UNC13C: variants seen among roughly 807,000 people sequenced by gnomAD.
UNC13C encodes unc-13 homolog C, also known as protein unc-13 homolog C.
Under a neutral mutation model 245.4 loss-of-function variants are expected in UNC13C, and 174 were observed. The ratio of observed to expected loss-of-function variants is 0.71; its 90% CI spans 0.63 to 0.80. UNC13C has a LOEUF of 0.80. UNC13C is among the 30% of genes least tolerant of loss of function. The pLI is 0.00. For synonymous variants in UNC13C, 992 were observed against 895.1 expected, an observed-to-expected ratio of 1.11 and a Z score of -1.93; for missense variants, 2,829 against 2,602.9, an observed-to-expected ratio of 1.09 and a Z score of -1.89.
intron 2 of UNC13C, among the ~76,000 whole-genome samples, chr15:54,098,826 T>A (rs774648699): frequency 6.6e-5 from 10 of 152,194 alleles, no homozygotes; most frequent in Non-Finnish European, 1.3e-4. Context: ...AATCGAGATT[T>A]CCATCTTCAT....
At chr15:54,422,985 C>G (rs115107878) in intron 19 of UNC13C, among the ~76,000 whole-genome samples, 1 of 115,822 alleles carries the variant, frequency 8.6e-6, no homozygotes, top group Non-Finnish European at 1.8e-5. Context: ...ACACACACAA[C>G]GAAAAAAAAA....
At chr15:54,083,506 A>G (rs1899068054) in intron 2 of UNC13C, among the ~76,000 whole-genome samples, 1 of 152,160 alleles carries the variant, frequency 6.6e-6, no homozygotes, top group African/African-American at 2.4e-5. Context: ...ACTTTCTCCA[A>G]GTGTACATGT....
chr15:54,554,859 TAATGA>T (rs1223269080), intron 28 of UNC13C, among the ~76,000 whole-genome samples: 1 of 152,008 alleles, frequency 6.6e-6, no homozygotes, highest in Non-Finnish European at 1.5e-5. Flanking sequence ...CATTGTAAAA[TAATGA>T]AATAAGTTTT....
chr15:54,241,243 G>A (rs892920331), intron 7 of UNC13C, among the ~76,000 whole-genome samples: 1 of 152,140 alleles, frequency 6.6e-6, no homozygotes, highest in Non-Finnish European at 1.5e-5. Flanking sequence ...TCTAGGAAGT[G>A]TTCATTCTCA....
intron 16 of UNC13C, among the ~76,000 whole-genome samples, chr15:54,338,033 A>G (rs902222855): frequency 1.3e-5 from 2 of 152,156 alleles, no homozygotes; most frequent in African/African-American, 4.8e-5. Flanking sequence ...TTTTGTTTCT[A>G]TCATTCATTG....
At chr15:54,300,406 T>C in intron 13 of UNC13C, 33 bp downstream of exon 13, 3 of 1,525,756 alleles carry the variant, frequency 2.0e-6, no homozygotes, top group Non-Finnish European at 2.7e-6. Flanking sequence ...ATGGTCAATA[T>C]CTCTATTAAA....
chr15:54,246,718 C>T (rs1476714913), intron 7 of UNC13C, among the ~76,000 whole-genome samples: 1 of 134,590 alleles, frequency 7.4e-6, no homozygotes, highest in Non-Finnish European at 1.5e-5. Context: ...ACATGGACAC[C>T]TAGAGGGGAA....
chr15:54,283,318 T>TAC (rs1257639791), intron 10 of UNC13C, among the ~76,000 whole-genome samples: 1 of 152,110 alleles, frequency 6.6e-6, no homozygotes, highest in Non-Finnish European at 1.5e-5. Context: ...ATCATATATA[T>TAC]ACACACACAG....
chr15:54,207,555 T>C (rs551888747), intron 4 of UNC13C, among the ~76,000 whole-genome samples: 1 of 152,130 alleles, frequency 6.6e-6, no homozygotes, highest in East Asian at 1.9e-4. Context: ...AATTAAGTTT[T>C]TGAGGGAATG....
Position 54,552,674 on chromosome 15 carries a change from T to TATAC in UNC13C, c.5878-2757_5878-2756insTACA, listed in dbSNP as rs1566905068. Among the ~76,000 whole-genome samples the TATAC allele has an allele frequency of 1.4e-3, 122 of 84,314 alleles. 1 individual carries two copies. The highest frequency in any genetic ancestry group is 2.3e-3 in the Non-Finnish European group (116 of 51,258). 55.3% of individuals were successfully genotyped at this position (84,314 alleles called of 152,430 possible). A position where few individuals can be genotyped will look rare whatever the true frequency, so the allele number is the denominator to read the frequency against. On this transcript the variant is annotated intron_variant, in intron 28 of 32. Coordinates refer to ENST00000260323, the MANE Select transcript of UNC13C (RefSeq NM_001080534.3). ...TATAATTATATTATATTGTACTATATAATATAATTATATAATTATATATTA... is the reference window on the plus strand; with the variant it reads ...TATAATTATATTATATTGTACTATATATACAATATAATTATATAATTATATATTA...
chr15:53,903,785 C>A, the UNC13C span, among the ~76,000 whole-genome samples: 2 of 152,210 alleles, frequency 1.3e-5, no homozygotes, highest in South Asian at 4.1e-4. Flanking sequence ...ATATGTATAA[C>A]CTAATTTGCT....
At chr15:54,086,349 GT>G (rs927075899) in intron 2 of UNC13C, among the ~76,000 whole-genome samples, 5 of 152,128 alleles carry the variant, frequency 3.3e-5, no homozygotes, top group Admixed American at 2.0e-4. Context: ...ATTCAAAAAA[GT>G]TTTTTTTCCT....
intron 10 of UNC13C, among the ~76,000 whole-genome samples, chr15:54,291,282 C>T (rs1449771665): frequency 6.6e-6 from 1 of 151,900 alleles, no homozygotes; most frequent in Non-Finnish European, 1.5e-5. Context: ...TGATAGTGAG[C>T]TTTGTTAGCT....
intron 10 of UNC13C, among the ~76,000 whole-genome samples, chr15:54,266,617 T>C (rs2036554279): frequency 3.9e-5 from 6 of 152,040 alleles, no homozygotes; most frequent in Admixed American, 3.9e-4. Flanking sequence ...TTCAGGAAGC[T>C]GGATATCTGA....
chr15:53,861,847 CT>C, the UNC13C span, among the ~76,000 whole-genome samples: 1 of 152,080 alleles, frequency 6.6e-6, no homozygotes, highest in East Asian at 1.9e-4. Context: ...TCTCTTGTCT[CT>C]TGTTTTGTAT....
At chr15:54,453,176 A>G (rs1159024195) in intron 19 of UNC13C, among the ~76,000 whole-genome samples, 1 of 152,156 alleles carries the variant, frequency 6.6e-6, no homozygotes, top group Non-Finnish European at 1.5e-5. Context: ...CACAAGTGTC[A>G]AGAAACATTC....
At chr15:54,050,297 T>C in intron 2 of UNC13C, 3 of 585,642 alleles carry the variant, frequency 5.1e-6, no homozygotes, top group South Asian at 2.7e-5. Context: ...GATTAGCTGC[T>C]TGCCTGCTGT....
chr15:54,309,590 A>G (rs1211760174), intron 13 of UNC13C, among the ~76,000 whole-genome samples: 1 of 151,736 alleles, frequency 6.6e-6, no homozygotes, highest in African/African-American at 2.4e-5. Flanking sequence ...GACCAATGTC[A>G]TGCAGTTTTT....
the UNC13C span, among the ~76,000 whole-genome samples, chr15:53,955,579 C>A: frequency 6.6e-6 from 1 of 152,072 alleles, no homozygotes; most frequent in African/African-American, 2.4e-5. Context: ...ATCTCTAAAG[C>A]CTTTAAATAC....
Sources: allele counts gnomAD v4.1 joint callset (sites outside exome capture counted in the v4.1 genomes callset), GRCh38; gene constraint gnomAD v4.1.1; transcripts MANE v1.5; gene names NCBI Gene and HGNC (gene_info 2026-07-23, HGNC 2026-07-21).